ZNF184: variants seen among roughly 807,000 people sequenced by gnomAD.
ZNF184 encodes zinc finger protein 184 (Kruppel-like).
In ZNF184, 16 loss-of-function variants were observed where a neutral mutation model predicts 54.4. The observed-to-expected ratio is 0.29, with a 90% CI of 0.20 to 0.45. The LOEUF is 0.45. Among genes scored for constraint, ZNF184 ranks in the 20% least tolerant of loss-of-function variants. The pLI, the probability that ZNF184 is intolerant of heterozygous loss-of-function variation, is 1.00. For synonymous variants in ZNF184, 254 were observed against 295.3 expected (o/e 0.86, Z 1.43); for missense variants, 681 against 888.2 (o/e 0.77, Z 2.97).
the ZNF184 span, among the ~76,000 whole-genome samples, chr6:27,442,737 A>AGGAAGGAAGGAAGGAAGGAG: frequency 8.3e-5 from 11 of 133,326 alleles, no homozygotes; most frequent in African/African-American, 2.4e-4. Context: ...GAAGGAAGGA[A>AGGAAGGAAGGAAGGAAGGAG]GGAGGGAGGG....
the ZNF184 span, among the ~76,000 whole-genome samples, chr6:27,445,721 C>CAAA: frequency 2.3e-5 from 3 of 129,216 alleles, no homozygotes; most frequent in Non-Finnish European, 4.9e-5. Context: ...TCTGTTATAG[C>CAAA]AAAAAAAAAA....
intron 3 of ZNF184, among the ~76,000 whole-genome samples, chr6:27,461,798 G>A (rs1285870997): frequency 6.6e-6 from 1 of 152,044 alleles, no homozygotes; most frequent in Non-Finnish European, 1.5e-5. Flanking sequence ...TGAGAGTTTG[G>A]GAAAATCAAG....
the ZNF184 span, among the ~76,000 whole-genome samples, chr6:27,445,721 C>CAAAA: frequency 2.4e-3 from 312 of 129,244 alleles, 4 homozygotes; most frequent in African/African-American, 8.3e-3. Flanking sequence ...TCTGTTATAG[C>CAAAA]AAAAAAAAAA....
the ZNF184 span, among the ~76,000 whole-genome samples, chr6:27,407,452 T>C: frequency 3.3e-5 from 5 of 152,164 alleles, no homozygotes; most frequent in Non-Finnish European, 1.5e-5. Flanking sequence ...TGCCAGTTGG[T>C]CATTCTTCCT....
the ZNF184 span, chr6:27,407,817 C>T: frequency 2.6e-6 from 2 of 779,682 alleles, no homozygotes; most frequent in South Asian, 1.3e-5. Flanking sequence ...CAATTATTTG[C>T]TTGATGGTTT....
chr6:27,424,014 G>A, the ZNF184 span, among the ~76,000 whole-genome samples: 9 of 152,298 alleles, frequency 5.9e-5, no homozygotes, highest in African/African-American at 1.4e-4. Context: ...CTGACTTCAA[G>A]AATGAAGCCA....
At chr6:27,424,058 G>A in the ZNF184 span, among the ~76,000 whole-genome samples, 2 of 152,166 alleles carry the variant, frequency 1.3e-5, no homozygotes, top group Non-Finnish European at 2.9e-5. Context: ...AACTCCTAAA[G>A]TGGCACGCCT....
the ZNF184 span, among the ~76,000 whole-genome samples, chr6:27,425,944 G>A: frequency 6.6e-6 from 1 of 152,166 alleles, no homozygotes; most frequent in African/African-American, 2.4e-5. Context: ...TGAGTCCAAA[G>A]ACTGTGGTGG....
At position 27,451,772 on chromosome 6, in the gene ZNF184, T is replaced by G. The variant is rs376364494; in HGVS notation, c.1787A>C (p.Asn596Thr). Residue 596 changes from asparagine (N) to threonine (T), a missense_variant, in exon 6 of 6, where the codon AAC becomes ACC. Transcript: ENST00000683788. ...ATGCTGTGTAAGGTGTATGTTCTGGTTGAATGCTCTCCCACACTCATTACA... is the reference window on the plus strand; with the variant it reads ...ATGCTGTGTAAGGTGTATGTTCTGGGTGAATGCTCTCCCACACTCATTACA... ...YKCNECGRAF[N>T]QNIHLTQHKR... The G allele has an allele frequency of 6.2e-7, 1 of 1,614,054 alleles. No individual in the cohort carries two copies. The highest frequency in any genetic ancestry group is 8.5e-7 in the Non-Finnish European group (1 of 1,179,986).
chr6:27,423,880 C>T, the ZNF184 span, among the ~76,000 whole-genome samples: 1 of 152,292 alleles, frequency 6.6e-6, no homozygotes, highest in Non-Finnish European at 1.5e-5. Flanking sequence ...CACGTATCAG[C>T]ATTTCTTTGC....
the ZNF184 span, among the ~76,000 whole-genome samples, chr6:27,426,046 C>T: frequency 2.0e-5 from 3 of 152,168 alleles, no homozygotes; most frequent in African/African-American, 4.8e-5. This position sits in a 1 kb window ranked among gnomAD's most constrained non-coding sequence, Gnocchi z 4.2. Context: ...GTACAAGGCA[C>T]AATAAGGAAC....
chr6:27,424,011 C>T, the ZNF184 span, among the ~76,000 whole-genome samples: 1 of 152,162 alleles, frequency 6.6e-6, no homozygotes, highest in Non-Finnish European at 1.5e-5. Flanking sequence ...TCACTGACTT[C>T]AAGAATGAAG....
chr6:27,469,694 AT>A (rs1763227467), intron 2 of ZNF184, among the ~76,000 whole-genome samples: 1 of 152,166 alleles, frequency 6.6e-6, no homozygotes, highest in East Asian at 1.9e-4. Context: ...TAGACTAGCA[AT>A]GCTGTAAGAG....
In ZNF184 at chr6:27,456,872, T is replaced by A. The variant is rs149847540; in HGVS notation, c.252A>T (p.Thr84=). The change falls in exon 5 of 6, where the codon ACA becomes ACT. Residue 84 remains threonine, a synonymous_variant. Coordinates refer to ENST00000683788, the MANE Select transcript of ZNF184 (RefSeq NM_001318891.2). ...TGCTTGGCTCCATGATCCATGGCTCTGTCCCTTGCTCTAACTGGGAAATCA... is the reference window on the plus strand; with the variant it reads ...TGCTTGGCTCCATGATCCATGGCTCAGTCCCTTGCTCTAACTGGGAAATCA... The part of the protein sequence containing the change: ...PDVISQLEQG[T]EPWIMEPSIP... The A allele has an allele frequency of 6.2e-7, 1 of 1,614,204 alleles. No individual in the cohort carries two copies. The highest frequency in any genetic ancestry group is 1.3e-5 in the African/African-American group (1 of 75,068).
chr6:27,409,360 G>A, the ZNF184 span, among the ~76,000 whole-genome samples: 5,413 of 151,726 alleles, frequency 0.036, 194 homozygotes, highest in African/African-American at 0.094. Context: ...TTAGCCGGGC[G>A]TGGTGGCGGG....
the ZNF184 span, among the ~76,000 whole-genome samples, chr6:27,419,977 C>T: frequency 6.6e-6 from 1 of 152,294 alleles, no homozygotes; most frequent in Non-Finnish European, 1.5e-5. The surrounding 1 kb of genome is among the most constrained non-coding windows in gnomAD (Gnocchi z 4.8). Context: ...TCCTTGGGTC[C>T]CGAAGCCACT....
At chr6:27,468,001 AT>A in intron 2 of ZNF184, 81 bp from the exon 3 acceptor site, 1 of 1,163,428 alleles carries the variant, frequency 8.6e-7, no homozygotes, top group Non-Finnish European at 1.2e-6. Context: ...TTACTCTTCT[AT>A]TTGAAAATAA....
intron 3 of ZNF184, among the ~76,000 whole-genome samples, chr6:27,464,064 G>A (rs546437612): frequency 1.3e-5 from 2 of 152,186 alleles, no homozygotes; most frequent in South Asian, 4.1e-4. Flanking sequence ...CAACCCACTG[G>A]ATGCTAATAG....
In ZNF184 at chr6:27,456,899, A is replaced by T; in HGVS notation, c.225T>A (p.Asp75Glu). 6.2e-7 allele frequency: 1 copy of T among 1,614,142 alleles called. No homozygotes were observed. Reference sequence around the variant, plus strand: ...TCCCTTGCTCTAACTGGGAAATCACATCAGGTTTAGAAACTTGGAGTCCTG... The same window carrying T: ...TCCCTTGCTCTAACTGGGAAATCACTTCAGGTTTAGAAACTTGGAGTCCTG... ...VSIGLQVSKP[D>E]VISQLEQGTE... is the part of the protein sequence containing the mutation. The change falls in exon 5 of 6, where the codon GAT becomes GAA. Residue 75 changes from aspartate to glutamate, a missense_variant. Coordinates refer to ENST00000683788, the MANE Select transcript of ZNF184 (RefSeq NM_001318891.2).
Sources: gnomAD v4.1 joint callset for allele counts (sites outside exome capture counted in the v4.1 genomes callset) on GRCh38, gnomAD v4.1.1 for gene constraint, Gnocchi (gnomAD v3.1) non-coding constraint, MANE v1.5 for transcripts, NCBI Gene and HGNC (gene_info 2026-07-23, HGNC 2026-07-21) for gene names.